The following CDYL2 variants were observed in gnomAD, a reference collection of about 807,000 sequenced individuals.
CDYL2 encodes the protein chromodomain Y-like protein 2.
A neutral mutation model predicts 49.4 loss-of-function variants in CDYL2; 23 were observed. That is an observed-to-expected ratio of 0.47 (90% CI 0.34 to 0.66). The LOEUF is 0.66. Ranked by LOEUF, CDYL2 falls within the 30% of genes least tolerant of loss-of-function variation. CDYL2 has a pLI of 0.01. For missense variants in CDYL2, 678 were observed against 656.4 expected (o/e 1.03, Z -0.36); for synonymous variants, 360 against 268.8 (o/e 1.34, Z -3.32).
intron 2 of CDYL2, among the ~76,000 whole-genome samples, chr16:80,652,090 T>C (rs1050234212): frequency 6.6e-6 from 1 of 152,230 alleles, no homozygotes; most frequent in African/African-American, 2.4e-5. Flanking sequence ...TGTATTGCCA[T>C]GCTCTCTCAG....
At chr16:80,714,746 C>T (rs968088902) in intron 1 of CDYL2, among the ~76,000 whole-genome samples, 1 of 152,184 alleles carries the variant, frequency 6.6e-6, no homozygotes, top group South Asian at 2.1e-4. Flanking sequence ...TACGCTCAAT[C>T]CAACTAGCTC....
intron 3 of CDYL2, among the ~76,000 whole-genome samples, chr16:80,622,736 C>A (rs1455403411): frequency 6.6e-6 from 1 of 152,114 alleles, no homozygotes; most frequent in African/African-American, 2.4e-5. Context: ...TCAAAAGGCA[C>A]CTGTGAAAAC....
chr16:80,743,571 G>A (rs765537542), intron 1 of CDYL2, among the ~76,000 whole-genome samples: 8 of 152,154 alleles, frequency 5.3e-5, no homozygotes, highest in East Asian at 1.9e-4. Context: ...CCAGTGAAGC[G>A]GGATTGGCAT....
At chr16:80,758,541 CT>C (rs58565125) in intron 1 of CDYL2, among the ~76,000 whole-genome samples, 2,295 of 117,046 alleles carry the variant, frequency 0.02, 7 homozygotes, top group Non-Finnish European at 0.024. Context: ...TGCTGCAGCA[CT>C]TTTTTTTTTT....
chr16:80,768,621 G>T (rs1906807276), intron 1 of CDYL2, among the ~76,000 whole-genome samples: 1 of 151,978 alleles, frequency 6.6e-6, no homozygotes, highest in Non-Finnish European at 1.5e-5. Flanking sequence ...CATCTATGTG[G>T]GCCCACCTTC....
intron 2 of CDYL2, among the ~76,000 whole-genome samples, chr16:80,640,637 T>A (rs59871458): frequency 5.3e-5 from 8 of 152,170 alleles, no homozygotes; most frequent in African/African-American, 1.9e-4. Flanking sequence ...AAGGGAGATA[T>A]GTGACCTTTC....
At chr16:80,690,546 A>G (rs905047148) in intron 1 of CDYL2, among the ~76,000 whole-genome samples, 5 of 152,208 alleles carry the variant, frequency 3.3e-5, no homozygotes, top group Non-Finnish European at 5.9e-5. Flanking sequence ...CCCAGAAGTT[A>G]TGGACTTTGG....
chr16:80,738,149 G>C (rs775404120), intron 1 of CDYL2, among the ~76,000 whole-genome samples: 4 of 152,098 alleles, frequency 2.6e-5, no homozygotes, highest in African/African-American at 7.2e-5. Flanking sequence ...AGTTTGCTGA[G>C]AATGATGGTT....
At chr16:80,677,457 G>A (rs1228499803) in intron 2 of CDYL2, among the ~76,000 whole-genome samples, 2 of 152,230 alleles carry the variant, frequency 1.3e-5, no homozygotes, top group South Asian at 2.1e-4. Context: ...AGGAGGTGTC[G>A]GCCAGGCGCA....
At chr16:80,666,628 G>A (rs997862295) in intron 2 of CDYL2, among the ~76,000 whole-genome samples, 3 of 152,320 alleles carry the variant, frequency 2.0e-5, no homozygotes, top group Non-Finnish European at 4.4e-5. Context: ...TGTCGTTGCT[G>A]TGAAGAGCCC....
At chr16:80,639,633 T>C (rs763853158) in intron 2 of CDYL2, 10 of 451,902 alleles carry the variant, frequency 2.2e-5, no homozygotes, top group Admixed American at 7.2e-5. Flanking sequence ...CAAAAAAAAA[T>C]ACCTTCATAA....
At chr16:80,717,600 G>A (rs1904854776) in intron 1 of CDYL2, among the ~76,000 whole-genome samples, 1 of 152,172 alleles carries the variant, frequency 6.6e-6, no homozygotes, top group Non-Finnish European at 1.5e-5. Context: ...ACTGGAGACT[G>A]AACCAGACAC....
At chr16:80,623,894 G>C (rs545624278) in intron 3 of CDYL2, among the ~76,000 whole-genome samples, 1 of 152,248 alleles carries the variant, frequency 6.6e-6, no homozygotes, top group Admixed American at 6.5e-5. Flanking sequence ...CAGGAAATGA[G>C]CTCTGTGATG....
At chr16:80,708,558 C>T (rs1364776056) in intron 1 of CDYL2, among the ~76,000 whole-genome samples, 1 of 152,150 alleles carries the variant, frequency 6.6e-6, no homozygotes, top group African/African-American at 2.4e-5. Flanking sequence ...ACAGCCACAG[C>T]CCTCCCTATT....
At chr16:80,792,182 A>G (rs1907631105) in intron 1 of CDYL2, among the ~76,000 whole-genome samples, 1 of 152,220 alleles carries the variant, frequency 6.6e-6, no homozygotes, top group Non-Finnish European at 1.5e-5. Context: ...AGTTAGATAG[A>G]TAGTTCCAGA....
At chr16:80,660,233 AAT>A (rs2142433455) in intron 2 of CDYL2, among the ~76,000 whole-genome samples, 1 of 152,252 alleles carries the variant, frequency 6.6e-6, no homozygotes, top group South Asian at 2.1e-4. Context: ...CGGGTAAAAA[AAT>A]AGATTTTTAA....
intron 1 of CDYL2, among the ~76,000 whole-genome samples, chr16:80,718,950 A>G (rs1904904877): frequency 6.6e-6 from 1 of 152,202 alleles, no homozygotes; most frequent in African/African-American, 2.4e-5. Context: ...AGGAAACCAG[A>G]TAGAATTGTT....
At chr16:80,761,945 G>T (rs1906547311) in intron 1 of CDYL2, among the ~76,000 whole-genome samples, 1 of 149,978 alleles carries the variant, frequency 6.7e-6, no homozygotes, top group Non-Finnish European at 1.5e-5. Flanking sequence ...CAGCATTTTG[G>T]GAGGCCAAGG....
At chr16:80,802,498 G>C (rs1907956463) in intron 1 of CDYL2, among the ~76,000 whole-genome samples, 1 of 152,188 alleles carries the variant, frequency 6.6e-6, no homozygotes, top group Non-Finnish European at 1.5e-5. Context: ...CAAGGCGCTT[G>C]GGTGATCCAT....
Sources: gnomAD v4.1 joint callset for allele counts (sites outside exome capture counted in the v4.1 genomes callset) on GRCh38, gnomAD v4.1.1 for gene constraint, MANE v1.5 for transcripts, NCBI Gene and HGNC (gene_info 2026-07-23, HGNC 2026-07-21) for gene names.